Variants in RUFY2 observed in about 807,000 individuals in gnomAD.
RUFY2 encodes RUN and FYVE domain containing 2, also known as RUN and FYVE domain-containing protein 2.
RUFY2 carries 49 observed loss-of-function variants against 94.4 expected under a neutral mutation model. That is an observed-to-expected ratio of 0.52 (90% CI 0.41 to 0.66). The LOEUF (loss-of-function observed/expected upper bound fraction) is 0.66, where lower values mean the gene tolerates loss of function less well. RUFY2 is among the 30% of genes least tolerant of loss of function. The pLI is 0.00. For missense variants in RUFY2, 541 were observed against 692.8 expected, an observed-to-expected ratio of 0.78 and a Z score of 2.46; for synonymous variants, 255 against 235.7, an observed-to-expected ratio of 1.08 and a Z score of -0.75.
chr10:68,400,654 C>T (rs1401608047), intron 3 of RUFY2, among the ~76,000 whole-genome samples: 3 of 148,166 alleles, frequency 2.0e-5, no homozygotes, highest in Non-Finnish European at 4.5e-5. Flanking sequence ...CCAGCCTGGG[C>T]AACACAGCAA....
intron 13 of RUFY2, among the ~76,000 whole-genome samples, chr10:68,369,381 G>T (rs11597148): frequency 0.14 from 20,984 of 151,716 alleles, 1,829 homozygotes; most frequent in East Asian, 0.31. Context: ...GCTACTAGGG[G>T]GGCTGAGGCA....
intron 16 of RUFY2, among the ~76,000 whole-genome samples, chr10:68,349,680 A>G (rs2046528221): frequency 6.6e-6 from 1 of 151,728 alleles, no homozygotes; most frequent in South Asian, 2.1e-4. Context: ...CTGGGACTAC[A>G]GGCACCCACC....
At chr10:68,341,981 G>A (rs996561097), downstream of RUFY2, 52 of 1,613,682 alleles carry the variant, frequency 3.2e-5, no homozygotes, top group Non-Finnish European at 3.8e-5. Context: ...TCTTAAGGCC[G>A]TGGTGGTGGA....
Position 68,344,091 on chromosome 10 carries a change from C to T in RUFY2, c.*1677G>A, listed in dbSNP as rs1419178894. 6.6e-6 allele frequency: 1 copy of T among 152,158 alleles called. No individual in the cohort carries two copies. The highest frequency in any genetic ancestry group is 1.5e-5 in the Non-Finnish European group (1 of 68,030). The allele number at this position is 152,158 out of a possible 1,614,324, so 9.4% of individuals were successfully genotyped here. On this transcript the variant is annotated 3_prime_UTR_variant, in exon 18 of 18. Transcript: ENST00000602465. The stretch of plus-strand genomic sequence containing the variant: ...CAAGAATATAATCCTCTCTTGAGGA[C>T]ATTTCTGTCAGTATTCAAGAAAGAC...
chr10:68,364,454 A>G (rs2047663652), intron 13 of RUFY2, among the ~76,000 whole-genome samples: 1 of 152,218 alleles, frequency 6.6e-6, no homozygotes, highest in South Asian at 2.1e-4. Context: ...AATGGAACTA[A>G]GAGGAGGAAT....
intron 7 of RUFY2, among the ~76,000 whole-genome samples, chr10:68,386,628 T>A (rs1274042166): frequency 6.6e-6 from 1 of 152,186 alleles, no homozygotes; most frequent in Admixed American, 6.5e-5. Context: ...ATTACAGGCG[T>A]GAGCAACAGC....
downstream of RUFY2, chr10:68,341,913 G>T (rs780888348): frequency 6.3e-7 from 1 of 1,591,540 alleles, no homozygotes; most frequent in Non-Finnish European, 8.6e-7. Context: ...TAAAGTGCAG[G>T]TATTACTTTT....
rs556131168 is a variant in RUFY2, at chr10:68,406,684, C to T, written c.4+502G>A. On this transcript the variant is annotated intron_variant, in intron 1 of 17. Transcript: ENST00000602465. ...CTAGAGCCCCTTCCCTGCCTCTCTT[C>T]CTGCCCCCTCCCCCCAGCAAGGCTG... The T allele has an allele frequency of 7.4e-4, 1,029 of 1,392,730 alleles. 8 individuals carry two copies. In the African/African-American group the frequency reaches 0.012, roughly 16 times the overall value. The allele number at this position is 1,392,730 out of a possible 1,614,324, so 86.3% of individuals were successfully genotyped here.
downstream of RUFY2, chr10:68,341,415 C>A: frequency 8.1e-7 from 1 of 1,231,594 alleles, no homozygotes; most frequent in Non-Finnish European, 1.2e-6. Flanking sequence ...GGATTTAAAA[C>A]CATTTGACCT....
chr10:68,363,670 G>A lies in RUFY2; in HGVS notation c.1470C>T (p.Leu490=), dbSNP rs1391181773. The A allele has an allele frequency of 1.3e-6, 2 of 1,595,696 alleles. No individual in the cohort carries two copies. The highest frequency in any genetic ancestry group is 1.4e-5 in the African/African-American group (1 of 73,990). Residue 490 remains leucine, a synonymous_variant, in exon 15 of 18, where the codon CTC becomes CTT. Transcript: ENST00000602465. ...TTTTCAACTGCTGATTTTCATCCTG[G>A]AGGTTAAGGAACTCCTTCAGAACAA... ...IISLKKEFLN[L]QDENQQLKKI... is the part of the protein sequence containing the mutation.
At chr10:68,397,675 A>G (rs2050490549) in intron 3 of RUFY2, among the ~76,000 whole-genome samples, 1 of 152,134 alleles carries the variant, frequency 6.6e-6, no homozygotes, top group African/African-American at 2.4e-5. Flanking sequence ...GCTACTCAGG[A>G]GGCTGAGACA....
chr10:68,379,372 G>C (rs1162600641), intron 12 of RUFY2, 52 bp downstream of exon 12: 2 of 1,309,860 alleles, frequency 1.5e-6, no homozygotes, highest in African/African-American at 3.0e-5. Flanking sequence ...ACTGAATAAA[G>C]AAAAAGGGAA....
At chr10:68,371,083 G>A (rs2048236995) in intron 13 of RUFY2, among the ~76,000 whole-genome samples, 1 of 147,006 alleles carries the variant, frequency 6.8e-6, no homozygotes, top group Non-Finnish European at 1.5e-5. Flanking sequence ...AGTGAGCTGA[G>A]ACCGCGCCAC....
intron 16 of RUFY2, among the ~76,000 whole-genome samples, chr10:68,351,246 C>T (rs1460531743): frequency 6.6e-6 from 1 of 150,716 alleles, no homozygotes; most frequent in Non-Finnish European, 1.5e-5. Flanking sequence ...ATTCTCCTGC[C>T]TCAGCCTCCT....
At chr10:68,371,442 A>C (rs1237766396) in intron 13 of RUFY2, among the ~76,000 whole-genome samples, 14 of 151,730 alleles carry the variant, frequency 9.2e-5, no homozygotes. Context: ...AAATACAAAA[A>C]TTAGCTGGGC....
downstream of RUFY2, chr10:68,342,178 T>A: frequency 1.5e-6 from 1 of 648,530 alleles, no homozygotes; most frequent in Non-Finnish European, 2.5e-6. Context: ...TTTCAAAATA[T>A]TATTTGGTAA....
chr10:68,396,022 G>A (rs2050364788), intron 4 of RUFY2, among the ~76,000 whole-genome samples: 1 of 152,102 alleles, frequency 6.6e-6, no homozygotes, highest in Non-Finnish European at 1.5e-5. Flanking sequence ...TTTTGAGACA[G>A]GGTCTCACTC....
In RUFY2 at chr10:68,343,783, G is replaced by A. The variant is rs539039165; in HGVS notation, c.*1985C>T. ...TTTAAATAAGCCAAAACTACATGGA[G>A]CAAGTTGCTGTCATAAAAGCTGCCT... On this transcript the variant is annotated 3_prime_UTR_variant, in exon 18 of 18. Transcript: ENST00000602465. 7.3e-6 allele frequency: 1 copy of A among 136,978 alleles called. No individual in the cohort carries two copies. Among genetic ancestry groups the A allele is most frequent in the Non-Finnish European group, 1.5e-5 (1 of 65,492 alleles). 8.5% of individuals were successfully genotyped at this position (136,978 alleles called of 1,614,324 possible).
intron 1 of RUFY2, 185 bp downstream of exon 1, chr10:68,407,001 G>A (rs961415006): frequency 1.4e-5 from 21 of 1,503,366 alleles, no homozygotes; most frequent in Non-Finnish European, 1.8e-5. Flanking sequence ...CAAGGGAGGG[G>A]GCGCGTTGCC....
Sources: allele counts gnomAD v4.1 joint callset (sites outside exome capture counted in the v4.1 genomes callset), GRCh38; gene constraint gnomAD v4.1.1; transcripts MANE v1.5; gene names NCBI Gene and HGNC (gene_info 2026-07-23, HGNC 2026-07-21).